SHANK2: variants seen among roughly 807,000 people sequenced by gnomAD.
SHANK2 encodes the protein SH3 and multiple ankyrin repeat domains 2.
SHANK2 carries 43 observed loss-of-function variants against 133.7 expected under a neutral mutation model. That is an observed-to-expected ratio of 0.32 (90% CI 0.25 to 0.41). The LOEUF is 0.41. SHANK2 is among the 10% of genes least tolerant of loss of function. The pLI is 1.00. For synonymous variants in SHANK2, 1,017 were observed against 952.8 expected (o/e 1.07, Z -1.24); for missense variants, 1,994 against 2,235.8 (o/e 0.89, Z 2.18).
chr11:70,542,544 G>A (rs1193598640), intron 17 of SHANK2, among the ~76,000 whole-genome samples: 2 of 152,212 alleles, frequency 1.3e-5, no homozygotes, highest in African/African-American at 4.8e-5. Flanking sequence ...GTGCATGTGG[G>A]CTGTGCTCAG....
chr11:70,678,533 T>A (rs995433282), intron 15 of SHANK2, among the ~76,000 whole-genome samples: 54 of 39,552 alleles, frequency 1.4e-3, no homozygotes, highest in African/African-American at 3.2e-3. Flanking sequence ...AAGAACAGGC[T>A]TTTTTTTTTT....
chr11:70,617,201 A>AGTGTGAGTGTCTGAGTGTGTTGT (rs2136428399), intron 17 of SHANK2, among the ~76,000 whole-genome samples: 1 of 147,928 alleles, frequency 6.8e-6, no homozygotes, highest in African/African-American at 2.5e-5. Context: ...TGAATGTGTG[A>AGTGTGAGTGTCTGAGTGTGTTGT]GTGTGAGTGT....
chr11:71,093,058 G>GT (rs1555094493), intron 7 of SHANK2, among the ~76,000 whole-genome samples: 8 of 144,314 alleles, frequency 5.5e-5, no homozygotes, highest in Admixed American at 2.8e-4. Flanking sequence ...TAAAGGGGGG[G>GT]GGGGGCAGGT....
At chr11:71,204,379 G>A (rs1449497436) in intron 2 of SHANK2, among the ~76,000 whole-genome samples, 2 of 152,160 alleles carry the variant, frequency 1.3e-5, no homozygotes, top group Admixed American at 6.5e-5. Flanking sequence ...CCCACGGGGA[G>A]GTAACAGGAC....
Position 70,903,828 on chromosome 11 carries a change from T to C in SHANK2, c.1108-7261A>G, listed in dbSNP as rs372942637. On this transcript the variant is annotated intron_variant, in intron 10 of 25. Transcript: ENST00000601538. Reference sequence around the variant, plus strand: ...CCAGGAGAAGGTGCTGTGTGCCAGATGCAAAGCCCCGCAAAGCTGGTGAAA... The same window carrying C: ...CCAGGAGAAGGTGCTGTGTGCCAGACGCAAAGCCCCGCAAAGCTGGTGAAA... Among the ~76,000 whole-genome samples, 6 of 152,340 alleles carry C rather than the reference T, an allele frequency of 3.9e-5. No individual in the cohort carries two copies. In the East Asian group the frequency reaches 5.8e-4, roughly 15 times the overall value.
Position 70,497,842 on chromosome 11 carries a change from G to T in SHANK2, c.2308+2728C>A, listed in dbSNP as rs561042253. 2.6e-5 allele frequency among the ~76,000 whole-genome samples: 4 copies of T among 152,370 alleles called. No homozygotes were observed. In the East Asian group the frequency reaches 7.7e-4, roughly 29 times the overall value. ...CCCAGGACCACCCAGGCACCTGGTG[G>T]CTGAGTCTCCTGGAAAATAGGCTCT... On this transcript the variant is annotated intron_variant, in intron 21 of 25. Transcript: ENST00000601538.
At chr11:70,556,586 T>G (rs1356106712) in intron 17 of SHANK2, among the ~76,000 whole-genome samples, 1 of 73,314 alleles carries the variant, frequency 1.4e-5, no homozygotes, top group African/African-American at 4.1e-5. Context: ...CAGCTAATTT[T>G]TTTCTTTTTT....
At chr11:70,561,656 G>C (rs2059909664) in intron 17 of SHANK2, among the ~76,000 whole-genome samples, 1 of 151,354 alleles carries the variant, frequency 6.6e-6, no homozygotes, top group Non-Finnish European at 1.5e-5. Flanking sequence ...AGCCTTCAGA[G>C]TAGCCAGGAC....
At chr11:71,164,035 G>C (rs1271863021) in intron 2 of SHANK2, among the ~76,000 whole-genome samples, 4 of 152,100 alleles carry the variant, frequency 2.6e-5, no homozygotes, top group East Asian at 3.8e-4. Flanking sequence ...GATCTAAAAG[G>C]AAATGTAAAA....
At chr11:70,684,295 C>T (rs1945096924) in intron 15 of SHANK2, among the ~76,000 whole-genome samples, 1 of 152,102 alleles carries the variant, frequency 6.6e-6, no homozygotes, top group Non-Finnish European at 1.5e-5. Flanking sequence ...CTGGGCACGG[C>T]GCATGCATCC....
In SHANK2 at chr11:70,702,945, TG is replaced by T. The variant is rs571563662; in HGVS notation, c.1778-4183del. 4.7e-3 allele frequency among the ~76,000 whole-genome samples: 712 copies of T among 152,346 alleles called. 3 individuals are homozygous for T. The highest frequency in any genetic ancestry group is 8.0e-3 in the Non-Finnish European group (545 of 68,032). On this transcript the variant is annotated intron_variant, in intron 14 of 25. Coordinates refer to ENST00000601538, the MANE Select transcript of SHANK2 (RefSeq NM_012309.5). The stretch of plus-strand genomic sequence containing the variant: ...GGGGAAGGATTGAGGAATCAATACA[TG>T]TAAGGCACTAGAATGGTGCATGGCA...
chr11:70,815,150 GCA>G (rs1361589115), intron 12 of SHANK2, among the ~76,000 whole-genome samples: 1 of 147,954 alleles, frequency 6.8e-6, no homozygotes, highest in African/African-American at 2.5e-5. Flanking sequence ...TCCCGGACCA[GCA>G]CCTTTAGGAG....
rs534125580 is a variant in SHANK2 at position 70,860,951 on chromosome 11, G to A, written c.1174+35550C>T. Among the ~76,000 whole-genome samples, 8 of 152,272 alleles carry A rather than the reference G, an allele frequency of 5.3e-5. No individual in the cohort carries two copies. In the South Asian group the frequency reaches 8.3e-4, roughly 16 times the overall value. On this transcript the variant is annotated intron_variant, in intron 11 of 25. Coordinates refer to ENST00000601538, the MANE Select transcript of SHANK2 (RefSeq NM_012309.5). ...TCCAAATTCTTTCTGCAGGAGCCGCGTGCATCTCAGGGGATACTCTCTTCC... is the reference window on the plus strand; with the variant it reads ...TCCAAATTCTTTCTGCAGGAGCCGCATGCATCTCAGGGGATACTCTCTTCC...
chr11:71,212,270 G>C (rs1954298665), intron 2 of SHANK2, among the ~76,000 whole-genome samples: 1 of 152,160 alleles, frequency 6.6e-6, no homozygotes. Flanking sequence ...AGTTTTACCA[G>C]CGTGGCATGC....
rs1301772192 is a variant in SHANK2, at chr11:70,747,008, T to TACTCCCCTCCCTCCACCCCTGC, written c.1778-48267_1778-48246dup. ...CCATCCCTGCACCCCCCTACCCCTGTACTCCCCTCCCTCCACCCCTGCACT... is the reference window on the plus strand; with the variant it reads ...CCATCCCTGCACCCCCCTACCCCTGTACTCCCCTCCCTCCACCCCTGCACTCCCCTCCCTCCACCCCTGCACT... On this transcript the variant is annotated intron_variant, in intron 14 of 25. Coordinates refer to ENST00000601538, the MANE Select transcript of SHANK2 (RefSeq NM_012309.5). Among the ~76,000 whole-genome samples the TACTCCCCTCCCTCCACCCCTGC allele has an allele frequency of 2.8e-3, 349 of 124,688 alleles. 5 individuals are homozygous for TACTCCCCTCCCTCCACCCCTGC. Among genetic ancestry groups the TACTCCCCTCCCTCCACCCCTGC allele is most frequent in the African/African-American group, 0.011 (326 of 30,612 alleles). 81.8% of individuals were successfully genotyped at this position (124,688 alleles called of 152,430 possible). A position where few individuals can be genotyped will look rare whatever the true frequency, so the allele number is the denominator to read the frequency against.
Position 70,472,921 on chromosome 11 carries a change from A to C in SHANK2, c.5498T>G (p.Val1833Gly). 1 of 1,613,892 alleles carries C rather than the reference A, an allele frequency of 6.2e-7. No homozygotes were observed. Among genetic ancestry groups the C allele is most frequent in the Non-Finnish European group, 8.5e-7 (1 of 1,179,988 alleles). Residue 1833 changes from valine to glycine, a missense_variant, in exon 26 of 26, where the codon GTC becomes GGC. Val to Gly is a moderately radical substitution (Grantham distance 109, BLOSUM62 -3). This residue lies in a region of SHANK2 where 42 missense variants were observed against 79.9 expected (regional missense o/e 0.53). Coordinates refer to ENST00000601538, the MANE Select transcript of SHANK2 (RefSeq NM_012309.5). This position sits in a 1 kb window ranked among gnomAD's most constrained non-coding sequence, Gnocchi z 4.4. ...CCTTTCTATGTTCATTCTGTGCCCG[A>C]CTCGAGTTACCCCAAGATCGATGAG... The part of the protein sequence containing the change: ...EDLIDLGVTR[V>G]GHRMNIERAL...
chr11:71,082,077 C>T (rs898995885), intron 8 of SHANK2, among the ~76,000 whole-genome samples: 18,163 of 152,224 alleles, frequency 0.12, 1,299 homozygotes, highest in Non-Finnish European at 0.16. Flanking sequence ...AATGTCCCCC[C>T]GGAGCCAATG....
At chr11:71,167,783 G>T (rs1360101872) in intron 2 of SHANK2, among the ~76,000 whole-genome samples, 1 of 138,860 alleles carries the variant, frequency 7.2e-6, no homozygotes. Context: ...GGGGCGGCTG[G>T]CCGGGCGGGG....
intron 17 of SHANK2, 34 bp downstream of exon 17, chr11:70,659,794 C>T (rs2061457822): frequency 1.2e-6 from 2 of 1,613,992 alleles, no homozygotes; most frequent in Non-Finnish European, 1.7e-6. Context: ...GGCGCTCTCC[C>T]CAAGCAGAAA....
Sources: gnomAD v4.1 joint callset for allele counts (sites outside exome capture counted in the v4.1 genomes callset) on GRCh38, gnomAD v4.1.1 for gene constraint, gnomAD v4.1.1 regional missense constraint, Gnocchi (gnomAD v3.1) non-coding constraint, MANE v1.5 for transcripts, NCBI Gene and HGNC (gene_info 2026-07-23, HGNC 2026-07-21) for gene names.